Variants in RIN3 observed in about 807,000 individuals in gnomAD.
RIN3 encodes the protein RAB5 interacting protein 3.
Under a neutral mutation model 76.3 loss-of-function variants are expected in RIN3, and 54 were observed. The observed-to-expected ratio is 0.71, with a 90% CI of 0.57 to 0.89. RIN3 has a LOEUF of 0.89. Ranked by LOEUF, RIN3 falls within the 40% of genes least tolerant of loss-of-function variation. The pLI is 0.00. For synonymous variants in RIN3, 576 were observed against 564.0 expected (o/e 1.02, Z -0.30); for missense variants, 1,256 against 1,322.1 (o/e 0.95, Z 0.78).
chr14:92,683,478 G>T (rs947122202), intron 8 of RIN3, among the ~76,000 whole-genome samples: 1 of 152,192 alleles, frequency 6.6e-6, no homozygotes, highest in African/African-American at 2.4e-5. Context: ...TGTAAGCATC[G>T]TGTAAAATAT....
At chr14:92,594,168 C>T (rs1885077635) in intron 3 of RIN3, among the ~76,000 whole-genome samples, 1 of 149,904 alleles carries the variant, frequency 6.7e-6, no homozygotes, top group Admixed American at 6.6e-5. Flanking sequence ...CATGGTGGCT[C>T]ACACCTGTAA....
At chr14:92,555,567 A>ATTTTCC in intron 1 of RIN3, among the ~76,000 whole-genome samples, 184 bp from the exon 2 acceptor site, 1 of 152,174 alleles carries the variant, frequency 6.6e-6, no homozygotes. Flanking sequence ...GGGTGGGCTG[A>ATTTTCC]CGTGTGTTTC....
intron 5 of RIN3, among the ~76,000 whole-genome samples, chr14:92,642,423 G>T (rs1215497205): frequency 6.6e-6 from 1 of 152,156 alleles, no homozygotes; most frequent in Non-Finnish European, 1.5e-5. Flanking sequence ...GGGAAAGGGA[G>T]AGTGTTTCAC....
chr14:92,554,547 A>T (rs1373281880), intron 1 of RIN3, among the ~76,000 whole-genome samples: 3 of 152,226 alleles, frequency 2.0e-5, no homozygotes, highest in Non-Finnish European at 4.4e-5. Flanking sequence ...CAAGCCACAT[A>T]TGTCATTTTA....
At chr14:92,610,462 A>G (rs1263133758) in intron 3 of RIN3, among the ~76,000 whole-genome samples, 3 of 152,130 alleles carry the variant, frequency 2.0e-5, no homozygotes, top group Non-Finnish European at 4.4e-5. Context: ...TGTGGCAGGC[A>G]TGGTGTTGGG....
intron 4 of RIN3, among the ~76,000 whole-genome samples, chr14:92,625,173 T>A (rs2140113806): frequency 6.6e-6 from 1 of 152,266 alleles, no homozygotes; most frequent in South Asian, 2.1e-4. Flanking sequence ...TATAGAGCAT[T>A]TCATAAGGGG....
At chr14:92,645,590 C>T (rs1437962991) in intron 5 of RIN3, among the ~76,000 whole-genome samples, 1 of 152,186 alleles carries the variant, frequency 6.6e-6, no homozygotes, top group Non-Finnish European at 1.5e-5. Context: ...TTGGCGATTG[C>T]CAGGGGCTGC....
At chr14:92,678,650 C>G (rs1447558743) in intron 8 of RIN3, among the ~76,000 whole-genome samples, 1 of 151,764 alleles carries the variant, frequency 6.6e-6, no homozygotes, top group Non-Finnish European at 1.5e-5. Flanking sequence ...CATTCATCTA[C>G]CATCCATCCA....
intron 3 of RIN3, 57 bp downstream of exon 3, chr14:92,577,534 G>A: frequency 9.2e-7 from 1 of 1,085,732 alleles, no homozygotes. Context: ...CAGCAGCAGA[G>A]AGGCTGCACC....
intron 3 of RIN3, among the ~76,000 whole-genome samples, chr14:92,605,590 G>C (rs1336482303): frequency 6.6e-6 from 1 of 152,210 alleles, no homozygotes; most frequent in Non-Finnish European, 1.5e-5. Flanking sequence ...AGATAAATGA[G>C]ACTGTAATGA....
At chr14:92,572,877 C>CTTTTTTTTTTT (rs763771909) in intron 2 of RIN3, among the ~76,000 whole-genome samples, 19 of 100,108 alleles carry the variant, frequency 1.9e-4, no homozygotes, top group East Asian at 5.7e-4. Flanking sequence ...CTTTTTTTTG[C>CTTTTTTTTTTT]TTTTTTTTTT....
chr14:92,596,814 C>T (rs1026566421), intron 3 of RIN3, among the ~76,000 whole-genome samples: 2 of 152,192 alleles, frequency 1.3e-5, no homozygotes, highest in Non-Finnish European at 2.9e-5. Flanking sequence ...CCAGGTCTGA[C>T]TCTCCCTCGT....
At chr14:92,539,024 A>G (rs1419830197) in intron 1 of RIN3, among the ~76,000 whole-genome samples, 1 of 151,842 alleles carries the variant, frequency 6.6e-6, no homozygotes, top group Non-Finnish European at 1.5e-5. Flanking sequence ...GCTCATCCCA[A>G]TATATGTGAC....
chr14:92,601,601 C>T (rs1885347832), intron 3 of RIN3, among the ~76,000 whole-genome samples: 1 of 152,220 alleles, frequency 6.6e-6, no homozygotes, highest in Admixed American at 6.5e-5. Flanking sequence ...CCCGTCCCCT[C>T]TGCTCCCAGA....
At chr14:92,641,093 G>A (rs778058390) in intron 4 of RIN3, 145 bp from the exon 5 acceptor site, 4 of 646,560 alleles carry the variant, frequency 6.2e-6, no homozygotes, top group Non-Finnish European at 1.1e-5. Flanking sequence ...TTCTGCCTCA[G>A]AGTCTGCCCC....
chr14:92,576,251 G>A, intron 2 of RIN3: 1 of 1,287,218 alleles, frequency 7.8e-7, no homozygotes, highest in Non-Finnish European at 1.0e-6. Context: ...AAACAGCAGA[G>A]TTTGTGAAAG....
intron 8 of RIN3, among the ~76,000 whole-genome samples, chr14:92,680,349 G>A (rs564293353): frequency 3.8e-4 from 58 of 152,132 alleles, no homozygotes; most frequent in African/African-American, 1.2e-3. Context: ...ACAGGCCTGC[G>A]CCATCACACC....
chr14:92,557,089 C>G (rs375024321), intron 2 of RIN3, among the ~76,000 whole-genome samples: 2 of 152,326 alleles, frequency 1.3e-5, no homozygotes, highest in South Asian at 2.1e-4. Flanking sequence ...GCATGCGGTA[C>G]GTCTGTCTGC....
At position 92,688,495 on chromosome 14, in the gene RIN3, A is replaced by G; in HGVS notation, c.*243A>G. The G allele has an allele frequency of 3.7e-6, 2 of 546,014 alleles. No individual in the cohort carries two copies. Among genetic ancestry groups the G allele is most frequent in the African/African-American group, 2.0e-5 (1 of 51,056 alleles). The allele number at this position is 546,014 out of a possible 1,614,324, so 33.8% of individuals were successfully genotyped here. ...TGTTCTTCATTAGACGGAAAGGGAA[A>G]CTGAGGCTCAGGAGAGAGGCGCTCC... On this transcript the variant is annotated 3_prime_UTR_variant, in exon 10 of 10. Transcript: ENST00000216487.
Sources: allele counts gnomAD v4.1 joint callset (sites outside exome capture counted in the v4.1 genomes callset), GRCh38; gene constraint gnomAD v4.1.1; transcripts MANE v1.5; gene names NCBI Gene and HGNC (gene_info 2026-07-23, HGNC 2026-07-21).